Variants in AP1G1 observed in about 807,000 individuals in gnomAD.
AP1G1 encodes AP-1 complex subunit gamma-1.
A neutral mutation model predicts 108.3 loss-of-function variants in AP1G1; 7 were observed. The ratio of observed to expected loss-of-function variants is 0.06; its 90% CI spans 0.04 to 0.12. AP1G1 has a LOEUF of 0.12. Among genes scored for constraint, AP1G1 ranks in the 10% least tolerant of loss-of-function variants. The probability of loss-of-function intolerance (pLI) is 1.00; values close to 1 mark genes in which losing one functional copy is unlikely to be tolerated. For synonymous variants in AP1G1, 379 were observed against 353.5 expected (o/e 1.07, Z -0.81); for missense variants, 756 against 1,010.7 (o/e 0.75, Z 3.42).
chr16:71,738,217 A>AC (rs377206562), intron 21 of AP1G1, among the ~76,000 whole-genome samples: 16 of 144,304 alleles, frequency 1.1e-4, no homozygotes, highest in African/African-American at 3.8e-4. Flanking sequence ...CGCCCGGCTA[A>AC]TTTTTTTTTT....
intron 1 of AP1G1, among the ~76,000 whole-genome samples, chr16:71,801,284 AAAAC>A (rs1386512458): frequency 5.3e-5 from 8 of 151,962 alleles, no homozygotes; most frequent in South Asian, 2.1e-4. Flanking sequence ...CATCTCAAAA[AAAAC>A]AAACAAACAA....
chr16:71,753,253 G>T (rs2030602026), intron 13 of AP1G1, among the ~76,000 whole-genome samples: 1 of 152,112 alleles, frequency 6.6e-6, no homozygotes, highest in Admixed American at 6.5e-5. Flanking sequence ...GCCAAAGAAA[G>T]GATCCCATCC....
chr16:71,801,994 G>A (rs1250267473), intron 1 of AP1G1, among the ~76,000 whole-genome samples: 1 of 151,688 alleles, frequency 6.6e-6, no homozygotes, highest in Non-Finnish European at 1.5e-5. Flanking sequence ...TAGGATTAGG[G>A]ATGTACAAGT....
chr16:71,806,520 C>A (rs2033002591), intron 1 of AP1G1, among the ~76,000 whole-genome samples: 1 of 152,168 alleles, frequency 6.6e-6, no homozygotes, highest in African/African-American at 2.4e-5. Context: ...GGATTACAAG[C>A]ATGAGCCACT....
chr16:71,760,729 T>C (rs911997938), intron 10 of AP1G1, among the ~76,000 whole-genome samples: 3 of 152,016 alleles, frequency 2.0e-5, no homozygotes, highest in African/African-American at 7.2e-5. Context: ...TGTATTTTTC[T>C]GTAGAGATGG....
At chr16:71,738,862 T>A in intron 21 of AP1G1, 80 bp downstream of exon 21, 1 of 1,289,336 alleles carries the variant, frequency 7.8e-7, no homozygotes, top group Non-Finnish European at 1.1e-6. Flanking sequence ...CATTAAAACA[T>A]ATCCTTTACC....
At chr16:71,790,502 G>A (rs1195546675) in intron 1 of AP1G1, among the ~76,000 whole-genome samples, 3 of 141,920 alleles carry the variant, frequency 2.1e-5, no homozygotes. Context: ...CCTCTAGCCT[G>A]AGCAACAAGA....
At chr16:71,801,032 C>A (rs569268073) in intron 1 of AP1G1, among the ~76,000 whole-genome samples, 1 of 151,846 alleles carries the variant, frequency 6.6e-6, no homozygotes, top group Non-Finnish European at 1.5e-5. Flanking sequence ...ATTGGCTGGG[C>A]GCGGTGGCTC....
intron 9 of AP1G1, 54 bp from the exon 10 acceptor site, chr16:71,761,621 T>C: frequency 9.6e-6 from 13 of 1,349,134 alleles, no homozygotes; most frequent in African/African-American, 1.5e-5. Flanking sequence ...TTTATATTGT[T>C]TCCTGAGTTT....
chr16:71,760,477 G>A (rs921921591), intron 10 of AP1G1, among the ~76,000 whole-genome samples: 1 of 151,416 alleles, frequency 6.6e-6, no homozygotes, highest in Non-Finnish European at 1.5e-5. Flanking sequence ...CTCGGGAGGC[G>A]GAGGTTGCAG....
intron 1 of AP1G1, among the ~76,000 whole-genome samples, chr16:71,807,293 G>A (rs1237511880): frequency 1.3e-5 from 2 of 152,180 alleles, no homozygotes; most frequent in Non-Finnish European, 2.9e-5. Context: ...TTAGCCGGGC[G>A]TGGCGGCGTG....
At chr16:71,755,625 A>G (rs1287318131) in intron 12 of AP1G1, among the ~76,000 whole-genome samples, 1 of 152,078 alleles carries the variant, frequency 6.6e-6, no homozygotes, top group Admixed American at 6.6e-5. Flanking sequence ...AAACATATTT[A>G]AAGTAGTTTC....
chr16:71,800,983 A>G (rs2142281447), intron 1 of AP1G1, among the ~76,000 whole-genome samples: 1 of 152,180 alleles, frequency 6.6e-6, no homozygotes. Context: ...CAGCAAAAGC[A>G]AAACTCCGTC....
intron 2 of AP1G1, among the ~76,000 whole-genome samples, chr16:71,780,756 C>T (rs2031983529): frequency 6.6e-6 from 1 of 152,022 alleles, no homozygotes; most frequent in Admixed American, 6.6e-5. Flanking sequence ...GGCCATCCTG[C>T]TGCCTCAGCC....
intron 2 of AP1G1, among the ~76,000 whole-genome samples, chr16:71,776,063 A>T (rs2031770495): frequency 2.0e-5 from 3 of 152,174 alleles, no homozygotes; most frequent in African/African-American, 7.2e-5. Flanking sequence ...AAAAACCATG[A>T]TCCCCTTTAG....
Position 71,739,240 on chromosome 16 carries a change from C to T in AP1G1, c.2101G>A (p.Ala701Thr), listed in dbSNP as rs1411104649. ...LSSQPLFNDI[A>T]AGIPSITAYS... The stretch of plus-strand genomic sequence containing the variant: ...GTAACAACAGTCATCGTACCTGCAG[C>T]AATATCATTGAAGAGAGGCTGTGAT... The change falls in exon 20 of 23, where the codon GCT (alanine) becomes ACT (threonine). Residue 701 changes from alanine to threonine, a missense_variant. Ala to Thr is a moderately conservative substitution (Grantham distance 58, BLOSUM62 0). Coordinates refer to ENST00000299980, the MANE Select transcript of AP1G1 (RefSeq NM_001128.6). 6.2e-7 allele frequency: 1 copy of T among 1,613,112 alleles called. No homozygotes were observed. The highest frequency in any genetic ancestry group is 8.5e-7 in the Non-Finnish European group (1 of 1,179,538).
At chr16:71,793,099 T>C (rs560203021) in intron 1 of AP1G1, among the ~76,000 whole-genome samples, 1 of 150,626 alleles carries the variant, frequency 6.6e-6, no homozygotes, top group Non-Finnish European at 1.5e-5. Context: ...AGCCTAGGAG[T>C]GAGGCTGCAG....
chr16:71,749,696 GC>G (rs2030383521), intron 15 of AP1G1, among the ~76,000 whole-genome samples, 197 bp downstream of exon 15: 1 of 151,880 alleles, frequency 6.6e-6, no homozygotes, highest in Admixed American at 6.6e-5. Context: ...TCACCATGTT[GC>G]CCAGGCTGGT....
chr16:71,776,021 G>A lies in AP1G1; in HGVS notation c.202-1429C>T, dbSNP rs1474889753. On this transcript the variant is annotated intron_variant, in intron 2 of 22. Coordinates refer to ENST00000299980, the MANE Select transcript of AP1G1 (RefSeq NM_001128.6). The stretch of plus-strand genomic sequence containing the variant: ...ACCTCTAGAGCAGTATTCAAAGTGC[G>A]TACACAAGACAGACTAACCAAGAAG... 3.9e-5 allele frequency among the ~76,000 whole-genome samples: 6 copies of A among 152,220 alleles called. No homozygotes were observed. The East Asian group carries it at 7.7e-4, about 20-fold the overall frequency.
Sources: gnomAD v4.1 joint callset for allele counts (sites outside exome capture counted in the v4.1 genomes callset) on GRCh38, gnomAD v4.1.1 for gene constraint, MANE v1.5 for transcripts, NCBI Gene and HGNC (gene_info 2026-07-23, HGNC 2026-07-21) for gene names.